The following CACNB2 variants were observed in gnomAD, a reference collection of about 807,000 sequenced individuals.
The protein encoded by CACNB2 is calcium voltage-gated channel auxiliary subunit beta 2, also known as voltage-dependent L-type calcium channel subunit beta-2.
In CACNB2, 42 loss-of-function variants were observed where a neutral mutation model predicts 73.3. That is an observed-to-expected ratio of 0.57 (90% CI 0.45 to 0.74). The LOEUF (loss-of-function observed/expected upper bound fraction) is 0.74. CACNB2 is among the 30% of genes least tolerant of loss of function. The pLI is 0.00. For missense variants in CACNB2, 940 were observed against 853.0 expected, an observed-to-expected ratio of 1.10 and a Z score of -1.27; for synonymous variants, 348 against 310.3, an observed-to-expected ratio of 1.12 and a Z score of -1.28.
chr10:18,466,098 G>A (rs2047868302), intron 3 of CACNB2, among the ~76,000 whole-genome samples: 1 of 152,140 alleles, frequency 6.6e-6, no homozygotes, highest in Non-Finnish European at 1.5e-5. Context: ...CCCTACCCTG[G>A]GGATGACTTA....
chr10:18,338,018 A>G (rs1413413729), intron 2 of CACNB2, among the ~76,000 whole-genome samples: 1 of 152,218 alleles, frequency 6.6e-6, no homozygotes, highest in African/African-American at 2.4e-5. Flanking sequence ...TAATTTTTTT[A>G]AAACATCACA....
Position 18,538,267 on chromosome 10 carries a change from A to T in CACNB2, c.1390A>T (p.Thr464Ser), listed in dbSNP as rs1589770075. The change falls in exon 13 of 14, where the codon ACC (threonine) becomes TCC (serine). Residue 464 changes from threonine (T) to serine (S), a missense_variant. Thr to Ser is a moderately conservative substitution (Grantham distance 58). Transcript: ENST00000324631. ...CTATCTGGAGGCCTACTGGAAGGCCACCCATCCTCCCAGCAGTAGCCTCCC... is the reference window on the plus strand; with the variant it reads ...CTATCTGGAGGCCTACTGGAAGGCCTCCCATCCTCCCAGCAGTAGCCTCCC... ...ADYLEAYWKA[T>S]HPPSSSLPNP... 1 of 1,613,946 alleles carries T rather than the reference A, an allele frequency of 6.2e-7. No homozygotes were observed. The highest frequency in any genetic ancestry group is 8.5e-7 in the Non-Finnish European group (1 of 1,179,854).
At chr10:18,442,956 ATGTATATATATATGTG>A (rs2046510979) in intron 3 of CACNB2, among the ~76,000 whole-genome samples, 10 of 19,292 alleles carry the variant, frequency 5.2e-4, no homozygotes, top group East Asian at 3.8e-3. Context: ...ATATATATAT[ATGTATATATATATGTG>A]TATATATATA....
Position 18,410,083 on chromosome 10 carries a change from C to T in CACNB2, c.333+8040C>T, listed in dbSNP as rs546550676. Among the ~76,000 whole-genome samples, 7 of 152,286 alleles carry T rather than the reference C, an allele frequency of 4.6e-5. No homozygotes were observed. In the East Asian group the frequency reaches 1.4e-3, roughly 29 times the overall value. ...CTTCATCCTTCAGAGGTGCCTGTTA[C>T]CTCCAGTTCCACCTCCTTGCCAGGG... On this transcript the variant is annotated intron_variant, in intron 3 of 13. Transcript: ENST00000324631.
chr10:18,438,170 A>G (rs1428418683), intron 3 of CACNB2, among the ~76,000 whole-genome samples: 1 of 145,566 alleles, frequency 6.9e-6, no homozygotes, highest in Admixed American at 6.9e-5. Context: ...GCCGCCCGCC[A>G]GCACACCTGG....
chr10:18,160,542 A>G (rs997565818), intron 2 of CACNB2, among the ~76,000 whole-genome samples: 2 of 152,222 alleles, frequency 1.3e-5, no homozygotes, highest in Non-Finnish European at 2.9e-5. Flanking sequence ...TATCTTGATT[A>G]TCTAATATAA....
At chr10:18,386,621 C>T (rs1321528578) in intron 2 of CACNB2, among the ~76,000 whole-genome samples, 6 of 151,794 alleles carry the variant, frequency 4.0e-5, no homozygotes, top group Non-Finnish European at 5.9e-5. Flanking sequence ...TTAGCCAGGA[C>T]GGTCTCGATC....
chr10:18,175,550 C>A (rs2033536128), intron 2 of CACNB2, among the ~76,000 whole-genome samples: 1 of 152,016 alleles, frequency 6.6e-6, no homozygotes, highest in African/African-American at 2.4e-5. Flanking sequence ...ACACACACAC[C>A]CACTGCCAGG....
chr10:18,505,911 G>A (rs2050464205), intron 5 of CACNB2, among the ~76,000 whole-genome samples: 1 of 152,090 alleles, frequency 6.6e-6, no homozygotes, highest in South Asian at 2.1e-4. Flanking sequence ...CTATCTGATG[G>A]CTACATCATA....
chr10:18,179,221 A>G (rs1371640736), intron 2 of CACNB2, among the ~76,000 whole-genome samples: 1 of 152,186 alleles, frequency 6.6e-6, no homozygotes, highest in Admixed American at 6.6e-5. Flanking sequence ...GTAAACATAT[A>G]TGAGGAAGTC....
chr10:18,171,807 TA>T (rs2033265277), intron 2 of CACNB2, among the ~76,000 whole-genome samples: 4 of 151,922 alleles, frequency 2.6e-5, no homozygotes, highest in Admixed American at 2.6e-4. Context: ...ATACAATAAA[TA>T]AAGATGTTGG....
chr10:18,535,161 C>T (rs2053439520), intron 11 of CACNB2, among the ~76,000 whole-genome samples: 1 of 152,106 alleles, frequency 6.6e-6, no homozygotes, highest in South Asian at 2.1e-4. Context: ...CAATGAATAA[C>T]ATTAATTTTC....
At chr10:18,506,302 A>G (rs1430293584) in intron 5 of CACNB2, among the ~76,000 whole-genome samples, 169 bp from the exon 6 acceptor site, 2 of 152,212 alleles carry the variant, frequency 1.3e-5, no homozygotes, top group Non-Finnish European at 2.9e-5. Flanking sequence ...TCATGTGGCT[A>G]TTTCAAGTAC....
chr10:18,385,241 C>A (rs1338268063), intron 2 of CACNB2, among the ~76,000 whole-genome samples: 1 of 151,350 alleles, frequency 6.6e-6, no homozygotes, highest in Non-Finnish European at 1.5e-5. Context: ...CGAGATTATG[C>A]CACTGCACTC....
chr10:18,274,083 A>G (rs761677683), intron 2 of CACNB2, among the ~76,000 whole-genome samples: 4 of 152,192 alleles, frequency 2.6e-5, no homozygotes, highest in African/African-American at 7.2e-5. Context: ...TGACATCATT[A>G]TGGATGCTGC....
At chr10:18,243,549 C>G (rs2489197) in intron 2 of CACNB2, among the ~76,000 whole-genome samples, 53,468 of 152,064 alleles carry the variant, frequency 0.35, 10,849 homozygotes, top group African/African-American at 0.56. Context: ...ACGTTGGGAG[C>G]TGGGGCCTAG....
chr10:18,204,863 A>G (rs1489478838), intron 2 of CACNB2, among the ~76,000 whole-genome samples: 1 of 151,994 alleles, frequency 6.6e-6, no homozygotes, highest in East Asian at 1.9e-4. Flanking sequence ...TACTTTCTGT[A>G]TAGAGTCAAT....
Position 18,308,116 on chromosome 10 carries a change from C to T in CACNB2, c.214-93808C>T, listed in dbSNP as rs1248730877. On this transcript the variant is annotated intron_variant, in intron 2 of 13. Transcript: ENST00000324631. Reference sequence around the variant, plus strand: ...TCAAGCGATTCTCCTATCTCAGCCTCCTGAGCAGCTACGATTACAGGCACC... The same window carrying T: ...TCAAGCGATTCTCCTATCTCAGCCTTCTGAGCAGCTACGATTACAGGCACC... 2.0e-5 allele frequency among the ~76,000 whole-genome samples: 3 copies of T among 150,342 alleles called. No homozygotes were observed. The South Asian group carries it at 6.3e-4, about 31-fold the overall frequency.
chr10:18,370,914 T>C (rs1239216341), intron 2 of CACNB2, among the ~76,000 whole-genome samples: 2 of 152,238 alleles, frequency 1.3e-5, no homozygotes, highest in East Asian at 3.8e-4. Context: ...TAGGTACACA[T>C]GTATATGTCA....
Sources: gnomAD v4.1 joint callset for allele counts (sites outside exome capture counted in the v4.1 genomes callset) on GRCh38, gnomAD v4.1.1 for gene constraint, MANE v1.5 for transcripts, NCBI Gene and HGNC (gene_info 2026-07-23, HGNC 2026-07-21) for gene names.